The following FRMPD4 variants were observed in gnomAD, a reference collection of about 807,000 sequenced individuals.
The protein encoded by FRMPD4 is FERM and PDZ domain containing 4.
A neutral mutation model predicts 94.1 loss-of-function variants in FRMPD4; 22 were observed. The ratio of observed to expected loss-of-function variants is 0.23; its 90% confidence interval spans 0.17 to 0.33. The LOEUF (loss-of-function observed/expected upper bound fraction) is 0.33, where lower values mean the gene tolerates loss of function less well. Ranked by LOEUF, FRMPD4 falls within the 10% of genes least tolerant of loss-of-function variation. The pLI is 1.00. For synonymous variants in FRMPD4, 631 were observed against 548.6 expected (o/e 1.15, Z -2.10); for missense variants, 1,111 against 1,339.9 (o/e 0.83, Z 2.67).
chrX:12,319,290 C>G (rs1434223553), intron 1 of FRMPD4, among the ~76,000 whole-genome samples: 1 of 112,303 alleles, frequency 8.9e-6, no homozygotes, highest in Non-Finnish European at 1.9e-5. Flanking sequence ...TGCATGCAGG[C>G]AGTATTTTTC....
At chrX:12,431,697 A>G (rs1285680964) in intron 1 of FRMPD4, among the ~76,000 whole-genome samples, 1 of 112,090 alleles carries the variant, frequency 8.9e-6, no homozygotes, top group Non-Finnish European at 1.9e-5. Context: ...GAATTACTAT[A>G]TAAGATTATT....
rs1196381914 is a variant in FRMPD4, at chrX:12,138,601, C to T, written c.-371C>T. 1 of 279,421 alleles carries T rather than the reference C, an allele frequency of 3.6e-6. No individual in the cohort carries two copies. The highest frequency in any genetic ancestry group is 6.3e-6 in the Non-Finnish European group (1 of 159,545). The allele number at this position is 279,421 out of a possible 1,213,427, so 23.0% of individuals were successfully genotyped here. On this transcript the variant is annotated 5_prime_UTR_variant, in exon 1 of 17. Coordinates refer to ENST00000675598, the MANE Select transcript of FRMPD4 (RefSeq NM_001368397.1). ...CGGGAAGCCAGAGCAGCGCCTCTCGCCCAGGCCTCGCTTTCTCTGGACGCC... is the reference window on the plus strand; with the variant it reads ...CGGGAAGCCAGAGCAGCGCCTCTCGTCCAGGCCTCGCTTTCTCTGGACGCC...
chrX:12,599,563 G>C (rs180708961), intron 2 of FRMPD4, among the ~76,000 whole-genome samples: 10 of 111,683 alleles, frequency 9.0e-5, no homozygotes, highest in African/African-American at 2.9e-4. Context: ...TAAACCAGCA[G>C]GATGGAAATA....
chrX:12,373,884 C>T (rs1054074843), intron 1 of FRMPD4, among the ~76,000 whole-genome samples: 4 of 112,059 alleles, frequency 3.6e-5, no homozygotes, highest in African/African-American at 1.3e-4. Context: ...GTTCCGGGTT[C>T]GCTTGGTTAC....
chrX:12,428,875 C>T (rs2056981592), intron 1 of FRMPD4, among the ~76,000 whole-genome samples: 1 of 110,791 alleles, frequency 9.0e-6, no homozygotes, highest in African/African-American at 3.3e-5. Context: ...TCATGTGGTC[C>T]TTGACTGTCT....
At chrX:12,501,068 C>G (rs2057914359) in intron 2 of FRMPD4, among the ~76,000 whole-genome samples, 1 of 112,328 alleles carries the variant, frequency 8.9e-6, no homozygotes, top group Non-Finnish European at 1.9e-5. Context: ...CTGAGGCCAA[C>G]TGGTTAGAGG....
Position 12,236,263 on chromosome X carries a change from G to A in FRMPD4, c.41+97251G>A, listed in dbSNP as rs765294693. Reference sequence around the variant, plus strand: ...AATCAGCATTATCAAACCATACAGTGTTATCTGAGACTCAGATAACGTTGT... The same window carrying A: ...AATCAGCATTATCAAACCATACAGTATTATCTGAGACTCAGATAACGTTGT... On this transcript the variant is annotated intron_variant, in intron 1 of 16. Coordinates refer to ENST00000675598, the MANE Select transcript of FRMPD4 (RefSeq NM_001368397.1). Among the ~76,000 whole-genome samples the A allele has an allele frequency of 4.5e-5, 5 of 111,622 alleles. No homozygotes were observed. The South Asian group carries it at 1.9e-3, about 42-fold the overall frequency.
intron 1 of FRMPD4, among the ~76,000 whole-genome samples, chrX:12,217,863 G>C (rs1047333886): frequency 3.6e-5 from 4 of 112,040 alleles, no homozygotes; most frequent in African/African-American, 1.3e-4. Context: ...AAAGTTTGCT[G>C]ACCTAAAGTG....
At chrX:11,946,591 C>A (rs964295687) in intron 3 of FRMPD4, among the ~76,000 whole-genome samples, 4 of 111,355 alleles carry the variant, frequency 3.6e-5, no homozygotes, top group African/African-American at 1.3e-4. Flanking sequence ...CTTGACTGGG[C>A]TAAGGGCTGC....
chrX:12,213,883 TCTTA>T (rs2056778959), intron 1 of FRMPD4, among the ~76,000 whole-genome samples: 1 of 112,335 alleles, frequency 8.9e-6, no homozygotes, highest in Non-Finnish European at 1.9e-5. Flanking sequence ...TAAAATTCTG[TCTTA>T]CTATTAGATG....
intron 1 of FRMPD4, among the ~76,000 whole-genome samples, chrX:12,385,280 G>A (rs1335663489): frequency 1.8e-5 from 2 of 112,694 alleles, no homozygotes; most frequent in African/African-American, 6.4e-5. Flanking sequence ...GACATGACCT[G>A]AATGGCCTTA....
intron 1 of FRMPD4, among the ~76,000 whole-genome samples, chrX:12,240,080 A>G (rs2057112035): frequency 8.9e-6 from 1 of 112,499 alleles, no homozygotes; most frequent in African/African-American, 3.2e-5. Flanking sequence ...ATTATATGCA[A>G]TTCAGATTGC....
intron 2 of FRMPD4, among the ~76,000 whole-genome samples, chrX:12,535,574 C>T (rs1165032903): frequency 1.8e-5 from 2 of 112,224 alleles, no homozygotes; most frequent in Admixed American, 9.4e-5. Flanking sequence ...GGACTTTCCC[C>T]CAACTTAAGT....
intron 1 of FRMPD4, among the ~76,000 whole-genome samples, chrX:12,482,073 T>C (rs1266011247): frequency 9.2e-6 from 1 of 108,782 alleles, no homozygotes; most frequent in Non-Finnish European, 1.9e-5. Flanking sequence ...GTCTTCACGT[T>C]GAATAGGTTA....
chrX:12,646,729 T>C (rs1281890556), intron 4 of FRMPD4, among the ~76,000 whole-genome samples: 1 of 112,462 alleles, frequency 8.9e-6, no homozygotes, highest in Non-Finnish European at 1.9e-5. Context: ...TGAAGCTTCT[T>C]CGGGGATATC....
chrX:12,479,435 C>CACATATACGTATATATAT (rs1555971412), intron 1 of FRMPD4, among the ~76,000 whole-genome samples: 1 of 90,443 alleles, frequency 1.1e-5, no homozygotes, highest in African/African-American at 4.4e-5. Flanking sequence ...TATATATATA[C>CACATATACGTATATATAT]ACACATATAT....
intron 3 of FRMPD4, among the ~76,000 whole-genome samples, chrX:12,021,829 G>A (rs2054633520): frequency 8.9e-6 from 1 of 112,021 alleles, no homozygotes. Flanking sequence ...AGTCTTTTGA[G>A]CTTATCAACT....
intron 11 of FRMPD4, among the ~76,000 whole-genome samples, chrX:12,705,021 T>C (rs776794996): frequency 8.9e-6 from 1 of 111,748 alleles, no homozygotes; most frequent in South Asian, 3.8e-4. Context: ...ACCCACAAGA[T>C]GCCAGTAGCA....
At chrX:11,911,888 G>C (rs746123784) in intron 3 of FRMPD4, among the ~76,000 whole-genome samples, 1 of 112,230 alleles carries the variant, frequency 8.9e-6, no homozygotes, top group East Asian at 2.8e-4. Context: ...GCCAGATTTG[G>C]ACAGAGAATG....
Sources: gnomAD v4.1 joint callset for allele counts (sites outside exome capture counted in the v4.1 genomes callset) on GRCh38, gnomAD v4.1.1 for gene constraint, MANE v1.5 for transcripts, NCBI Gene and HGNC (gene_info 2026-07-23, HGNC 2026-07-21) for gene names.